COBL: variants seen among roughly 807,000 people sequenced by gnomAD.
COBL encodes the protein protein cordon-bleu.
A neutral mutation model predicts 98.8 loss-of-function variants in COBL; 51 were observed. That is an observed-to-expected ratio of 0.52 (90% confidence interval 0.41 to 0.65). The LOEUF is 0.65. Among genes scored for constraint, COBL ranks in the 30% least tolerant of loss-of-function variants. The pLI is 0.00. For synonymous variants in COBL, 634 were observed against 651.7 expected, an observed-to-expected ratio of 0.97 and a Z score of 0.41; for missense variants, 1,617 against 1,617.5, an observed-to-expected ratio of 1.00 and a Z score of 0.01.
chr7:51,112,634 C>A (rs1333252026), intron 6 of COBL, among the ~76,000 whole-genome samples: 4 of 152,174 alleles, frequency 2.6e-5, no homozygotes, highest in African/African-American at 9.7e-5. Flanking sequence ...TTAGGCCTTG[C>A]ATGGGGTCGG....
chr7:51,159,190 C>T (rs1786530467), intron 5 of COBL, among the ~76,000 whole-genome samples: 1 of 152,104 alleles, frequency 6.6e-6, no homozygotes, highest in Non-Finnish European at 1.5e-5. Flanking sequence ...AACCGCAGGG[C>T]GCAAAGCAGG....
At chr7:51,151,603 C>G (rs7786025) in intron 5 of COBL, among the ~76,000 whole-genome samples, 3 of 152,204 alleles carry the variant, frequency 2.0e-5, no homozygotes, top group Non-Finnish European at 4.4e-5. Context: ...GGTAGCTTCA[C>G]AAAAGCATAC....
At chr7:51,271,754 A>G (rs1298792084) in intron 1 of COBL, among the ~76,000 whole-genome samples, 1 of 152,212 alleles carries the variant, frequency 6.6e-6, no homozygotes, top group African/African-American at 2.4e-5. Flanking sequence ...AACCAGTCGG[A>G]CACAGTGGCT....
chr7:51,037,162 G>C (rs1261721512), intron 8 of COBL, among the ~76,000 whole-genome samples: 1 of 152,138 alleles, frequency 6.6e-6, no homozygotes, highest in Non-Finnish European at 1.5e-5. Context: ...TATAAATAAA[G>C]AGGAAGATGA....
chr7:51,259,402 C>G, intron 1 of COBL: 1 of 431,330 alleles, frequency 2.3e-6, no homozygotes, highest in Non-Finnish European at 4.2e-6. Flanking sequence ...AGCCCAAGGG[C>G]AGTTTTCAGC....
intron 5 of COBL, among the ~76,000 whole-genome samples, chr7:51,144,590 G>A (rs757770325): frequency 1.3e-5 from 2 of 152,122 alleles, no homozygotes; most frequent in African/African-American, 2.4e-5. Context: ...CATACAATCC[G>A]TGGTGTTAAG....
chr7:51,075,535 T>C (rs1345661604), intron 7 of COBL, among the ~76,000 whole-genome samples: 1 of 152,214 alleles, frequency 6.6e-6, no homozygotes, highest in Admixed American at 6.5e-5. Flanking sequence ...ACCTCTGTTT[T>C]TAATATTATT....
intron 7 of COBL, among the ~76,000 whole-genome samples, chr7:51,054,662 A>G (rs1583626131): frequency 6.6e-6 from 1 of 152,162 alleles, no homozygotes; most frequent in East Asian, 1.9e-4. Context: ...GACTAAGACC[A>G]GCCCCAGCCT....
intron 1 of COBL, among the ~76,000 whole-genome samples, chr7:51,307,065 C>G (rs1422819498): frequency 6.6e-6 from 1 of 152,176 alleles, no homozygotes; most frequent in African/African-American, 2.4e-5. Flanking sequence ...AGAGGACAGG[C>G]CGGGTGCAGT....
intron 7 of COBL, among the ~76,000 whole-genome samples, chr7:51,070,237 A>G (rs934529442): frequency 6.6e-6 from 1 of 152,186 alleles, no homozygotes; most frequent in Admixed American, 6.5e-5. Flanking sequence ...ATAACTCCTG[A>G]GCCTCATTTT....
At chr7:51,156,120 A>G in intron 5 of COBL, 1 of 975,688 alleles carries the variant, frequency 1.0e-6, no homozygotes, top group Non-Finnish European at 1.2e-6. Context: ...CTAAAAGAAA[A>G]CAAATATCAA....
chr7:51,291,422 G>GCT (rs1800879998), intron 1 of COBL, among the ~76,000 whole-genome samples: 1 of 152,190 alleles, frequency 6.6e-6, no homozygotes, highest in Non-Finnish European at 1.5e-5. Flanking sequence ...CTGTCATTAA[G>GCT]GAATTACTGT....
intron 7 of COBL, chr7:51,071,818 C>A (rs1352608339): frequency 1.3e-5 from 2 of 152,044 alleles, no homozygotes; most frequent in Non-Finnish European, 2.9e-5. Flanking sequence ...CCCCAACATT[C>A]AGGTAAACAT....
At chr7:51,089,212 C>T (rs1794569781) in intron 6 of COBL, among the ~76,000 whole-genome samples, 1 of 152,072 alleles carries the variant, frequency 6.6e-6, no homozygotes, top group Non-Finnish European at 1.5e-5. Flanking sequence ...AGGTATTTAT[C>T]ACAATCTAAA....
Position 51,050,051 on chromosome 7 carries a change from G to A in COBL, c.1097-6359C>T, listed in dbSNP as rs187946447. Among the ~76,000 whole-genome samples, 14 of 152,222 alleles carry A rather than the reference G, an allele frequency of 9.2e-5. No homozygotes were observed. In the East Asian group the frequency reaches 2.5e-3, roughly 27 times the overall value. ...AATAACGTTTTATATTAATGCTCTTGTCAAAAATCCCATAGACCTGGGCTC... is the reference window on the plus strand; with the variant it reads ...AATAACGTTTTATATTAATGCTCTTATCAAAAATCCCATAGACCTGGGCTC... On this transcript the variant is annotated intron_variant, in intron 7 of 12. Transcript: ENST00000265136.
At chr7:51,104,625 C>T (rs557388992) in intron 6 of COBL, among the ~76,000 whole-genome samples, 16 of 152,154 alleles carry the variant, frequency 1.1e-4, no homozygotes, top group Non-Finnish European at 2.2e-4. Flanking sequence ...CTGAAGTTTT[C>T]TTCTCACCAT....
intron 7 of COBL, among the ~76,000 whole-genome samples, chr7:51,045,589 C>T (rs374424200): frequency 3.8e-4 from 58 of 152,258 alleles, no homozygotes; most frequent in Admixed American, 1.6e-3. Context: ...ATCGCTGAGG[C>T]GCAAAGTGAC....
At chr7:51,166,552 TCAAACTATTC>T (rs1453436417) in intron 5 of COBL, among the ~76,000 whole-genome samples, 1 of 152,046 alleles carries the variant, frequency 6.6e-6, no homozygotes, top group East Asian at 1.9e-4. Context: ...CCAATCCTAT[TCAAACTATTC>T]CAAAAAACAG....
In COBL at chr7:51,075,745, T is replaced by C. The variant is rs181092347; in HGVS notation, c.1096+9421A>G. The stretch of plus-strand genomic sequence containing the variant: ...TGTAAATAAAAGACTAAGAAGTAAT[T>C]AGCAAAAAGAAATAGGCTCATAAGG... On this transcript the variant is annotated intron_variant, in intron 7 of 12. Coordinates refer to ENST00000265136, the MANE Select transcript of COBL (RefSeq NM_015198.5). 3.8e-3 allele frequency among the ~76,000 whole-genome samples: 579 copies of C among 152,284 alleles called. 1 individual carries two copies. Among genetic ancestry groups the C allele is most frequent in the Middle Eastern group, 6.8e-3 (2 of 294 alleles).
Sources: allele counts gnomAD v4.1 joint callset (sites outside exome capture counted in the v4.1 genomes callset), GRCh38; gene constraint gnomAD v4.1.1; transcripts MANE v1.5; gene names NCBI Gene and HGNC (gene_info 2026-07-23, HGNC 2026-07-21).